Variants in DAG1 observed in about 807,000 individuals in gnomAD.
The protein encoded by DAG1 is dystroglycan 1, also known as dystroglycan 1 (dystrophin-associated glycoprotein 1).
In DAG1, 8 loss-of-function variants were observed where a neutral mutation model predicts 46.1. That is an observed-to-expected ratio of 0.17 (90% confidence interval 0.10 to 0.31). DAG1 has a LOEUF of 0.31. DAG1 is among the 10% of genes least tolerant of loss of function. The pLI is 1.00. For missense variants in DAG1, 1,003 were observed against 1,189.9 expected (o/e 0.84, Z 2.31); for synonymous variants, 495 against 481.8 (o/e 1.03, Z -0.36).
intron 1 of DAG1, among the ~76,000 whole-genome samples, chr3:49,501,529 C>T (rs1195818313): frequency 2.0e-5 from 3 of 151,984 alleles, no homozygotes; most frequent in Admixed American, 6.6e-5. Context: ...AATTAAAATG[C>T]GTCTGGGCAT....
rs764063699 is a variant in DAG1 at position 49,532,534 on chromosome 3, G to T, written c.2023G>T (p.Ala675Ser). 3.1e-6 allele frequency: 5 copies of T among 1,613,710 alleles called. No individual in the cohort carries two copies. The highest frequency in any genetic ancestry group is 1.1e-5 in the South Asian group (1 of 91,084). ...PLEPCPKEQI[A>S]GLSRRIAEDD... is the part of the protein sequence containing the mutation. ...GGAGCCCTGCCCCAAGGAGCAGATCGCTGGGCTGAGCCGCCGGATCGCTGA... is the reference window on the plus strand; with the variant it reads ...GGAGCCCTGCCCCAAGGAGCAGATCTCTGGGCTGAGCCGCCGGATCGCTGA... The change falls in exon 3 of 3, where the codon GCT becomes TCT. Residue 675 changes from alanine (A) to serine (S), a missense_variant. Ala to Ser is a moderately conservative substitution (Grantham distance 99, BLOSUM62 1). This residue lies in a region of DAG1 where 755 missense variants were observed against 854.1 expected (regional missense o/e 0.88). Coordinates refer to ENST00000308775, the MANE Select transcript of DAG1 (RefSeq NM_004393.6). The surrounding 1 kb of genome is among the most constrained non-coding windows in gnomAD (Gnocchi z 5.4).
chr3:49,522,647 T>A (rs962261995), intron 2 of DAG1, among the ~76,000 whole-genome samples: 12 of 152,176 alleles, frequency 7.9e-5, no homozygotes, highest in African/African-American at 2.6e-4. Flanking sequence ...GTTTTGTGGT[T>A]TTGATTCTTA....
intron 1 of DAG1, among the ~76,000 whole-genome samples, chr3:49,485,488 A>G (rs1419240927): frequency 6.6e-6 from 1 of 152,110 alleles, no homozygotes; most frequent in Non-Finnish European, 1.5e-5. Flanking sequence ...TAGTACTGGG[A>G]CACTTAACAT....
intron 1 of DAG1, among the ~76,000 whole-genome samples, chr3:49,473,749 A>AT (rs2049594946): frequency 6.6e-6 from 1 of 151,176 alleles, no homozygotes; most frequent in East Asian, 2.0e-4. Flanking sequence ...CGCCAGGCTA[A>AT]TTTTTTGCAT....
At chr3:49,469,813 G>A (rs925722696), upstream of DAG1, among the ~76,000 whole-genome samples, 1 of 152,244 alleles carries the variant, frequency 6.6e-6, no homozygotes, top group Non-Finnish European at 1.5e-5. Flanking sequence ...AAGGAAATAA[G>A]GAGGGCTGAA....
intron 2 of DAG1, among the ~76,000 whole-genome samples, chr3:49,514,999 A>G (rs1326592911): frequency 6.6e-6 from 1 of 152,230 alleles, no homozygotes; most frequent in Non-Finnish European, 1.5e-5. Flanking sequence ...AGCTGGGACT[A>G]CAGGCATGCG....
intron 1 of DAG1, among the ~76,000 whole-genome samples, chr3:49,505,988 T>G (rs1407625749): frequency 1.3e-5 from 2 of 150,092 alleles, no homozygotes; most frequent in Non-Finnish European, 3.0e-5. Context: ...TTTCTTTTTT[T>G]TTTTTTTTGA....
intron 2 of DAG1, among the ~76,000 whole-genome samples, chr3:49,521,906 G>T (rs977988007): frequency 3.9e-5 from 6 of 151,916 alleles, no homozygotes; most frequent in Admixed American, 2.0e-4. Context: ...CTGGAGTGCG[G>T]TGGCACGATC....
intron 2 of DAG1, among the ~76,000 whole-genome samples, chr3:49,518,400 C>A (rs569634790): frequency 1.4e-4 from 22 of 152,332 alleles, no homozygotes; most frequent in Non-Finnish European, 1.8e-4. Context: ...CCTGAAAAGC[C>A]TGGCCTGACC....
At chr3:49,503,242 A>G (rs1195910035) in intron 1 of DAG1, among the ~76,000 whole-genome samples, 3 of 152,136 alleles carry the variant, frequency 2.0e-5, no homozygotes, top group African/African-American at 7.2e-5. Context: ...GTGGTGTCAC[A>G]TTGGAACATT....
intron 1 of DAG1, among the ~76,000 whole-genome samples, chr3:49,483,889 C>A (rs1234686063): frequency 1.3e-5 from 2 of 151,638 alleles, no homozygotes; most frequent in Non-Finnish European, 2.9e-5. Context: ...GTTGCCCAGG[C>A]TGGATCCTCC....
At chr3:49,493,272 G>A (rs1361436641) in intron 1 of DAG1, among the ~76,000 whole-genome samples, 2 of 151,814 alleles carry the variant, frequency 1.3e-5, no homozygotes, top group Admixed American at 1.3e-4. Context: ...TCAAACTCCT[G>A]GGCTCAAGCA....
chr3:49,480,580 A>ACCACGCCCGGC (rs2049849602), intron 1 of DAG1, among the ~76,000 whole-genome samples: 1 of 146,032 alleles, frequency 6.8e-6, no homozygotes, highest in Non-Finnish European at 1.6e-5. Flanking sequence ...GGCGTGAGCC[A>ACCACGCCCGGC]CTGCGTCCGG....
chr3:49,499,596 G>C (rs1430503185), intron 1 of DAG1, among the ~76,000 whole-genome samples: 1 of 152,200 alleles, frequency 6.6e-6, no homozygotes, highest in Non-Finnish European at 1.5e-5. Flanking sequence ...TCATAGCTCT[G>C]GGGAGGCAGC....
At chr3:49,515,518 T>C (rs765461563) in intron 2 of DAG1, among the ~76,000 whole-genome samples, 2 of 151,210 alleles carry the variant, frequency 1.3e-5, no homozygotes, top group Non-Finnish European at 2.9e-5. Context: ...TCCAAGTAAC[T>C]GGGACTATAG....
intron 2 of DAG1, among the ~76,000 whole-genome samples, chr3:49,520,506 T>G (rs2050999977): frequency 6.6e-6 from 1 of 152,016 alleles, no homozygotes; most frequent in African/African-American, 2.4e-5. Flanking sequence ...AGCTGAAAGG[T>G]CGGGAATTGA....
At chr3:49,474,961 G>A (rs1328355408) in intron 1 of DAG1, among the ~76,000 whole-genome samples, 1 of 151,742 alleles carries the variant, frequency 6.6e-6, no homozygotes, top group Admixed American at 6.6e-5. Context: ...ACAGGCGCCC[G>A]CCACCGCGCC....
chr3:49,527,774 GA>G (rs2051224530), intron 2 of DAG1, among the ~76,000 whole-genome samples: 1 of 152,058 alleles, frequency 6.6e-6, no homozygotes, highest in South Asian at 2.1e-4. Flanking sequence ...TATCAACACT[GA>G]TGGAGCGCCT....
intron 1 of DAG1, among the ~76,000 whole-genome samples, chr3:49,478,668 G>A (rs1186718847): frequency 2.7e-5 from 4 of 150,778 alleles, no homozygotes; most frequent in African/African-American, 9.8e-5. Flanking sequence ...TGAGCCACTG[G>A]GCCTTAGCCT....
Sources: allele counts gnomAD v4.1 joint callset (sites outside exome capture counted in the v4.1 genomes callset), GRCh38; gene constraint gnomAD v4.1.1; regional missense constraint gnomAD v4.1.1; non-coding constraint Gnocchi (gnomAD v3.1); transcripts MANE v1.5; gene names NCBI Gene and HGNC (gene_info 2026-07-23, HGNC 2026-07-21).